PPP2R5B: variants seen among roughly 807,000 people sequenced by gnomAD.
PPP2R5B encodes protein phosphatase 2 regulatory subunit B'beta.
Under a neutral mutation model 59.9 loss-of-function variants are expected in PPP2R5B, and 19 were observed. The observed-to-expected ratio is 0.32, with a 90% CI of 0.22 to 0.47. PPP2R5B has a LOEUF of 0.47. PPP2R5B is among the 20% of genes least tolerant of loss of function. PPP2R5B has a pLI of 1.00. For missense variants in PPP2R5B, 441 were observed against 640.2 expected (o/e 0.69, Z 3.36); for synonymous variants, 286 against 260.5 (o/e 1.10, Z -0.94).
Position 64,934,303 on chromosome 11 carries a change from C to T in PPP2R5B, c.*459C>T. The T allele has an allele frequency of 3.9e-6, 1 of 256,180 alleles. No individual in the cohort carries two copies. Among genetic ancestry groups the T allele is most frequent in the Non-Finnish European group, 7.5e-6 (1 of 133,174 alleles). The allele number at this position is 256,180 out of a possible 1,614,324, so 15.9% of individuals were successfully genotyped here. On this transcript the variant is annotated 3_prime_UTR_variant, in exon 14 of 14. Coordinates refer to ENST00000164133, the MANE Select transcript of PPP2R5B (RefSeq NM_006244.4). The stretch of plus-strand genomic sequence containing the variant: ...ACACTGTCCTGGGTGCACACTCCTC[C>T]CTTCCCTCGCTGTGTACTTCCTTGT...
At chr11:64,928,500 T>G (rs1945193271) in intron 6 of PPP2R5B, 75 bp downstream of exon 6, 3 of 1,597,364 alleles carry the variant, frequency 1.9e-6, no homozygotes, top group African/African-American at 2.7e-5. Flanking sequence ...GCAAAGGCCA[T>G]GTGCGGTGGC....
At chr11:64,922,884 A>G (rs949066636), upstream of PPP2R5B, 2 of 151,652 alleles carry the variant, frequency 1.3e-5, no homozygotes, top group African/African-American at 2.4e-5. Context: ...CAAAAAAAAA[A>G]AAAAGTTTTT....
chr11:64,924,941 G>C lies in PPP2R5B; in HGVS notation c.-352G>C, dbSNP rs1040558136. 6.6e-6 allele frequency: 1 copy of C among 152,408 alleles called. No individual in the cohort carries two copies. Among genetic ancestry groups the C allele is most frequent in the African/African-American group, 2.4e-5 (1 of 41,468 alleles). 9.4% of individuals were successfully genotyped at this position (152,408 alleles called of 1,614,324 possible). On this transcript the variant is annotated 5_prime_UTR_variant, in exon 1 of 14. Coordinates refer to ENST00000164133, the MANE Select transcript of PPP2R5B (RefSeq NM_006244.4). Reference sequence around the variant, plus strand: ...CCGCCCAGCCCCAGCGCCCCGAGCGGAACCGCTGCGAAGGGGCCCTGAACG... The same window carrying C: ...CCGCCCAGCCCCAGCGCCCCGAGCGCAACCGCTGCGAAGGGGCCCTGAACG...
chr11:64,927,892 C>G lies in PPP2R5B; in HGVS notation c.487C>G (p.Pro163Ala), dbSNP rs1469332461. The G allele has an allele frequency of 1.2e-6, 2 of 1,606,152 alleles. No homozygotes were observed. Among genetic ancestry groups the G allele is most frequent in the Non-Finnish European group, 1.7e-6 (2 of 1,172,862 alleles). The stretch of plus-strand genomic sequence containing the variant: ...TGAGCCCAATCTTGAGCCTTCGTGG[C>G]CACACCTGCAGGTCTGAAGGGTTGG... ...EDEPNLEPSW[P>A]HLQLVYEFFL... The change falls in exon 4 of 14, where the codon CCA becomes GCA. Residue 163 changes from proline to alanine, a missense_variant. By Grantham distance (27) the Pro-to-Ala change is conservative. Coordinates refer to ENST00000164133, the MANE Select transcript of PPP2R5B (RefSeq NM_006244.4).
intron 3 of PPP2R5B, 155 bp from the exon 4 acceptor site, chr11:64,927,647 C>T (rs1945182353): frequency 1.6e-6 from 1 of 618,632 alleles, no homozygotes; most frequent in Non-Finnish European, 2.8e-6. Flanking sequence ...GTTGAGGTTG[C>T]AGTGAGTCGA....
rs973222541 is a variant in PPP2R5B, at chr11:64,934,406, G to C, written c.*562G>C. ...TTCACAGTGTCCTGGGGTAAGGGGG[G>C]GTTCACAGTAATCATGGTCTACTCC... On this transcript the variant is annotated 3_prime_UTR_variant, in exon 14 of 14. Coordinates refer to ENST00000164133, the MANE Select transcript of PPP2R5B (RefSeq NM_006244.4). 1.4e-5 allele frequency: 5 copies of C among 361,224 alleles called. No individual in the cohort carries two copies. The highest frequency in any genetic ancestry group is 1.6e-5 in the Non-Finnish European group (3 of 192,282). The allele number at this position is 361,224 out of a possible 1,614,324, so 22.4% of individuals were successfully genotyped here. A position where few individuals can be genotyped will look rare whatever the true frequency, so the allele number is the denominator to read the frequency against.
intron 1 of PPP2R5B, among the ~76,000 whole-genome samples, chr11:64,919,016 A>G (rs1258945657): frequency 6.6e-6 from 1 of 152,168 alleles, no homozygotes. Flanking sequence ...GGCTCCATTC[A>G]GGGAGGCAGG....
chr11:64,927,399 T>C (rs1945179169), intron 3 of PPP2R5B, among the ~76,000 whole-genome samples: 1 of 152,206 alleles, frequency 6.6e-6, no homozygotes, highest in Admixed American at 6.5e-5. Flanking sequence ...CTGGGGCAGA[T>C]GCTGAAATCA....
In PPP2R5B at chr11:64,934,012, A is replaced by C; in HGVS notation, c.*168A>C. 2 of 840,518 alleles carry C rather than the reference A, an allele frequency of 2.4e-6. No individual in the cohort carries two copies. Among genetic ancestry groups the C allele is most frequent in the Non-Finnish European group, 3.4e-6 (2 of 592,000 alleles). The allele number at this position is 840,518 out of a possible 1,614,324, so 52.1% of individuals were successfully genotyped here. A position where few individuals can be genotyped will look rare whatever the true frequency, so the allele number is the denominator to read the frequency against. ...CACTGGGGGGAGACGAGGAGAGGCA[A>C]TGGTGGTCTTGGCAACAGAATGCTC... On this transcript the variant is annotated 3_prime_UTR_variant, in exon 14 of 14. Coordinates refer to ENST00000164133, the MANE Select transcript of PPP2R5B (RefSeq NM_006244.4).
At chr11:64,919,268 G>C (rs755566985) in intron 1 of PPP2R5B, among the ~76,000 whole-genome samples, 5 of 152,046 alleles carry the variant, frequency 3.3e-5, no homozygotes, top group Non-Finnish European at 5.9e-5. Flanking sequence ...GTGTGAACCT[G>C]GGAGGCGGAG....
rs776179116 is a variant in PPP2R5B, at chr11:64,926,694, A to T, written c.200-18A>T. 6.2e-6 allele frequency: 10 copies of T among 1,612,010 alleles called. No individual in the cohort carries two copies. The East Asian group carries it at 2.2e-4, about 36-fold the overall frequency. On this transcript the variant is annotated intron_variant, in intron 2 of 13. Coordinates refer to ENST00000164133, the MANE Select transcript of PPP2R5B (RefSeq NM_006244.4). ...GGGGGAGCTGGGGCCCAGGCCCAGGATGCCCTCTCCTCCCCAGATGTGCCG... is the reference window on the plus strand; with the variant it reads ...GGGGGAGCTGGGGCCCAGGCCCAGGTTGCCCTCTCCTCCCCAGATGTGCCG...
At chr11:64,932,053 G>A (rs985683954) in intron 11 of PPP2R5B, among the ~76,000 whole-genome samples, 185 bp downstream of exon 11, 12 of 152,208 alleles carry the variant, frequency 7.9e-5, no homozygotes, top group African/African-American at 2.9e-4. Context: ...TGGCTGAGGG[G>A]CCTTGAGCAA....
intron 8 of PPP2R5B, among the ~76,000 whole-genome samples, chr11:64,930,943 G>T (rs1288310039): frequency 6.6e-6 from 1 of 152,014 alleles, no homozygotes; most frequent in Non-Finnish European, 1.5e-5. Context: ...GTATGAACAT[G>T]GCTCACTGAA....
chr11:64,926,083 C>A, intron 2 of PPP2R5B, 150 bp downstream of exon 2: 1 of 789,956 alleles, frequency 1.3e-6, no homozygotes, highest in Non-Finnish European at 2.0e-6. Flanking sequence ...CTGACCCCAG[C>A]CCTCCAGCCC....
At position 64,931,567 on chromosome 11, in the gene PPP2R5B, G is replaced by T. The variant is rs777692104; in HGVS notation, c.954G>T (p.Arg318=). ...KDATLTEHVI[R]GLLKYWPKTC... is the part of the protein sequence containing the mutation. ...TGTCTCATCTCCCACAGGTGATCCG[G>T]GGGCTGCTCAAATACTGGCCAAAAA... Residue 318 remains arginine (R), a synonymous_variant, in exon 10 of 14, where the codon CGG becomes CGT. Transcript: ENST00000164133. The surrounding 1 kb of genome is among the most constrained non-coding windows in gnomAD (Gnocchi z 5.0). 3.7e-6 allele frequency: 6 copies of T among 1,614,042 alleles called. No individual in the cohort carries two copies. The South Asian group carries it at 6.6e-5, about 18-fold the overall frequency.
In PPP2R5B at chr11:64,931,918, T is replaced by A. The variant is rs778341506; in HGVS notation, c.1116+50T>A. The A allele has an allele frequency of 1.2e-5, 19 of 1,593,548 alleles. No individual in the cohort carries two copies. Reference sequence around the variant, plus strand: ...GGGAGCAGGGCTGGCCTGGAAAGGTTGGGTAGCTGACCTAATAAAGCTCCC... The same window carrying A: ...GGGAGCAGGGCTGGCCTGGAAAGGTAGGGTAGCTGACCTAATAAAGCTCCC... On this transcript the variant is annotated intron_variant, in intron 11 of 13. Transcript: ENST00000164133. The surrounding 1 kb of genome is among the most constrained non-coding windows in gnomAD (Gnocchi z 5.0).
chr11:64,928,821 T>C (rs1306503256), intron 6 of PPP2R5B, among the ~76,000 whole-genome samples: 1 of 152,114 alleles, frequency 6.6e-6, no homozygotes, highest in Non-Finnish European at 1.5e-5. Context: ...GAAGCGGAGC[T>C]TGCAGTGAGC....
At position 64,931,043 on chromosome 11, in the gene PPP2R5B, TA is replaced by T. The variant is rs983509833; in HGVS notation, c.892-385del. On this transcript the variant is annotated intron_variant, in intron 8 of 13. Coordinates refer to ENST00000164133, the MANE Select transcript of PPP2R5B (RefSeq NM_006244.4). This position sits in a 1 kb window ranked among gnomAD's most constrained non-coding sequence, Gnocchi z 5.0. ...TGTATGTGCCACATGCCTGGCTAAT[TA>T]AAAAAAATTTTTTTTTTGTAGAGAC... is the stretch of plus-strand genomic sequence containing the variant. Among the ~76,000 whole-genome samples the T allele has an allele frequency of 6.6e-6, 1 of 152,002 alleles. No homozygotes were observed. The highest frequency in any genetic ancestry group is 2.4e-5 in the African/African-American group (1 of 41,356).
chr11:64,928,740 C>A (rs528978039), intron 6 of PPP2R5B, among the ~76,000 whole-genome samples: 1 of 152,156 alleles, frequency 6.6e-6, no homozygotes, highest in African/African-American at 2.4e-5. Context: ...AAAAATTAGC[C>A]GGGCGCGGTG....
Sources: gnomAD v4.1 joint callset for allele counts (sites outside exome capture counted in the v4.1 genomes callset) on GRCh38, gnomAD v4.1.1 for gene constraint, Gnocchi (gnomAD v3.1) non-coding constraint, MANE v1.5 for transcripts, NCBI Gene and HGNC (gene_info 2026-07-23, HGNC 2026-07-21) for gene names.